The following CRADD variants were observed in gnomAD, a reference collection of about 807,000 sequenced individuals.
CRADD encodes the protein CARD and death domain containing adaptor protein, also known as death domain-containing protein CRADD.
A neutral mutation model predicts 15.5 loss-of-function variants in CRADD; 9 were observed. The ratio of observed to expected loss-of-function variants is 0.58; its 90% CI spans 0.35 to 1.01. CRADD has a LOEUF of 1.01. CRADD is among the 50% of genes least tolerant of loss of function. The pLI, the probability that CRADD is intolerant of heterozygous loss-of-function variation, is 0.02. For missense variants in CRADD, 227 were observed against 250.3 expected (o/e 0.91, Z 0.63); for synonymous variants, 118 against 107.6 (o/e 1.10, Z -0.60).
intron 2 of CRADD, among the ~76,000 whole-genome samples, chr12:93,691,593 T>C (rs1239481916): frequency 6.6e-6 from 1 of 152,156 alleles, no homozygotes; most frequent in Non-Finnish European, 1.5e-5. Flanking sequence ...CAAACCATGG[T>C]TAACCACTAA....
intron 2 of CRADD, among the ~76,000 whole-genome samples, chr12:93,695,488 C>CAG (rs1427679527): frequency 6.6e-6 from 1 of 152,102 alleles, no homozygotes; most frequent in Non-Finnish European, 1.5e-5. Context: ...CAGGAAACAA[C>CAG]AGAGTAAAGA....
intron 1 of CRADD, among the ~76,000 whole-genome samples, chr12:93,678,516 G>C (rs1355465401): frequency 6.6e-6 from 1 of 151,972 alleles, no homozygotes. Context: ...ATTGAACGAG[G>C]AATTGAGCTG....
intron 2 of CRADD, among the ~76,000 whole-genome samples, chr12:93,694,552 G>C (rs1459635473): frequency 1.3e-5 from 2 of 152,066 alleles, no homozygotes; most frequent in Non-Finnish European, 2.9e-5. Flanking sequence ...CAGGTGACAT[G>C]ATCTTAAATA....
At chr12:93,716,472 AT>A (rs1399313383) in intron 2 of CRADD, among the ~76,000 whole-genome samples, 2 of 152,198 alleles carry the variant, frequency 1.3e-5, no homozygotes, top group Non-Finnish European at 1.5e-5. Flanking sequence ...ATGTATCCAC[AT>A]TTATGGAATC....
intron 2 of CRADD, among the ~76,000 whole-genome samples, chr12:93,775,778 T>C (rs1957134532): frequency 6.6e-6 from 1 of 152,180 alleles, no homozygotes; most frequent in Admixed American, 6.5e-5. Flanking sequence ...GTGATGTTCA[T>C]TTTCAGCATC....
At chr12:93,779,944 T>C (rs1442826518) in intron 2 of CRADD, among the ~76,000 whole-genome samples, 1 of 152,078 alleles carries the variant, frequency 6.6e-6, no homozygotes, top group African/African-American at 2.4e-5. Context: ...TAAGAGAACA[T>C]GTATAGAAGA....
In CRADD at chr12:93,863,532, T is replaced by A. The variant is rs1958334723; in HGVS notation, c.299-30518T>A. ...GCTTCTGTTTAGCAATAGTTCCCAG[T>A]CAGAGGTGATACTAAATCCCCCCAG... On this transcript the variant is annotated intron_variant, in intron 2 of 2. Coordinates refer to the CRADD transcript ENST00000548483. Among the ~76,000 whole-genome samples, 7 of 151,602 alleles carry A rather than the reference T, an allele frequency of 4.6e-5. No homozygotes were observed. In the South Asian group the frequency reaches 1.5e-3, roughly 31 times the overall value.
intron 2 of CRADD, among the ~76,000 whole-genome samples, chr12:93,768,452 G>A (rs974848811): frequency 2.0e-5 from 3 of 150,766 alleles, no homozygotes; most frequent in Non-Finnish European, 3.0e-5. Context: ...CAAGTCCTCA[G>A]TGTTAAAGTT....
chr12:93,777,114 T>C (rs1180730936), intron 2 of CRADD, among the ~76,000 whole-genome samples: 2 of 152,196 alleles, frequency 1.3e-5, no homozygotes, highest in Non-Finnish European at 2.9e-5. Flanking sequence ...GAGGATATGG[T>C]CATTCTCACG....
intron 2 of CRADD, among the ~76,000 whole-genome samples, chr12:93,775,923 A>G (rs1957136068): frequency 6.6e-6 from 1 of 152,222 alleles, no homozygotes; most frequent in African/African-American, 2.4e-5. Flanking sequence ...TTTAAATTCT[A>G]AAGTATCCTT....
At chr12:93,822,928 G>T (rs1240175296) in intron 2 of CRADD, among the ~76,000 whole-genome samples, 1 of 152,240 alleles carries the variant, frequency 6.6e-6, no homozygotes, top group East Asian at 1.9e-4. Context: ...TGATTTCATG[G>T]ATTGTCATCT....
At chr12:93,680,824 T>C (rs1955270504) in intron 2 of CRADD, among the ~76,000 whole-genome samples, 1 of 152,230 alleles carries the variant, frequency 6.6e-6, no homozygotes, top group African/African-American at 2.4e-5. Flanking sequence ...CTGAATTTAA[T>C]TTTATGGTCA....
intron 2 of CRADD, among the ~76,000 whole-genome samples, chr12:93,716,152 A>C (rs1325510731): frequency 6.6e-6 from 1 of 151,986 alleles, no homozygotes; most frequent in African/African-American, 2.4e-5. Context: ...AAAAGGAAAA[A>C]AATTACTTAG....
chr12:93,819,100 T>A (rs946681761), intron 2 of CRADD, among the ~76,000 whole-genome samples: 1 of 152,278 alleles, frequency 6.6e-6, no homozygotes, highest in Non-Finnish European at 1.5e-5. Flanking sequence ...AGCTGACTCA[T>A]GTCACCCATG....
intron 2 of CRADD, among the ~76,000 whole-genome samples, chr12:93,835,587 T>C (rs906633074): frequency 8.5e-5 from 13 of 152,138 alleles, no homozygotes; most frequent in Admixed American, 3.3e-4. Context: ...GGATTATATT[T>C]TTTCTCCTCT....
intron 2 of CRADD, among the ~76,000 whole-genome samples, chr12:93,858,495 C>T (rs1351979289): frequency 6.6e-6 from 1 of 152,192 alleles, no homozygotes; most frequent in Admixed American, 6.5e-5. Context: ...CATTGTCAGT[C>T]CTCCCTTTTG....
At chr12:93,706,385 T>C (rs561498914) in intron 2 of CRADD, among the ~76,000 whole-genome samples, 1 of 152,334 alleles carries the variant, frequency 6.6e-6, no homozygotes, top group South Asian at 2.1e-4. Flanking sequence ...TTCAAGATAA[T>C]AGTTTATATG....
At chr12:93,873,039 A>G (rs1179067111) in intron 2 of CRADD, among the ~76,000 whole-genome samples, 1 of 152,078 alleles carries the variant, frequency 6.6e-6, no homozygotes, top group Non-Finnish European at 1.5e-5. Flanking sequence ...CAATCTATGA[A>G]CATAGAATAT....
chr12:93,719,042 G>A (rs1352649449), intron 2 of CRADD, among the ~76,000 whole-genome samples: 1 of 152,106 alleles, frequency 6.6e-6, no homozygotes, highest in Non-Finnish European at 1.5e-5. Flanking sequence ...TTACAGGTGT[G>A]GGTCACTGTG....
Sources: gnomAD v4.1 joint callset for allele counts (sites outside exome capture counted in the v4.1 genomes callset) on GRCh38, gnomAD v4.1.1 for gene constraint, MANE v1.5 for transcripts, NCBI Gene and HGNC (gene_info 2026-07-23, HGNC 2026-07-21) for gene names.